The following HOXC5 variants were observed in gnomAD, a reference collection of about 807,000 sequenced individuals.
The protein encoded by HOXC5 is homeobox C5.
In HOXC5, 19 loss-of-function variants were observed where a neutral mutation model predicts 20.1. The ratio of observed to expected loss-of-function variants is 0.94; its 90% CI spans 0.66 to 1.38. The LOEUF (loss-of-function observed/expected upper bound fraction) is 1.38. Ranked by LOEUF, HOXC5 falls within the 40% of genes most tolerant of loss-of-function variation. The pLI is 0.00. For missense variants in HOXC5, 330 were observed against 300.1 expected (o/e 1.10, Z -0.74); for synonymous variants, 124 against 117.0 (o/e 1.06, Z -0.39).
chr12:54,028,779 C>T, upstream of HOXC5: 1 of 1,614,210 alleles, frequency 6.2e-7, no homozygotes, highest in Non-Finnish European at 8.5e-7. Context: ...TGCTCTCAAA[C>T]TGCAGACAAA....
Position 54,034,507 on chromosome 12 carries a change from G to GCC in HOXC5, c.*17_*18dup, listed in dbSNP as rs1371843749. Reference sequence around the variant, plus strand: ...AGGCTCTTTAGAGGCAGCGGGGGAGGCCCGCAGAGCGCGCCCCTAGCCGGT... The same window carrying GCC: ...AGGCTCTTTAGAGGCAGCGGGGGAGGCCCCCGCAGAGCGCGCCCCTAGCCGGT... On this transcript the variant is annotated 3_prime_UTR_variant, in exon 2 of 2. Coordinates refer to ENST00000312492, the MANE Select transcript of HOXC5 (RefSeq NM_018953.4). 3 of 1,603,950 alleles carry GCC rather than the reference G, an allele frequency of 1.9e-6. No homozygotes were observed.
the HOXC5 span, among the ~76,000 whole-genome samples, chr12:54,019,293 C>T: frequency 2.7e-4 from 41 of 151,922 alleles, no homozygotes; most frequent in African/African-American, 9.4e-4. Flanking sequence ...TGGGCCCAGC[C>T]CGCCGCCTGC....
rs759901648 is a variant in HOXC5, at chr12:54,034,470, T to C, written c.647T>C (p.Met216Thr). Residue 216 changes from methionine (M) to threonine (T), a missense_variant, in exon 2 of 2, where the codon ATG (methionine) becomes ACG (threonine). By Grantham distance (81) the Met-to-Thr change is moderately conservative. Transcript: ENST00000312492. ...RRMKWKKDSK[M>T]KSKEAL is the part of the protein sequence containing the mutation. The stretch of plus-strand genomic sequence containing the variant: ...ATGAAGTGGAAGAAAGATTCCAAAA[T>C]GAAAAGCAAAGAGGCTCTTTAGAGG... 3 of 1,614,130 alleles carry C rather than the reference T, an allele frequency of 1.9e-6. No homozygotes were observed. Among genetic ancestry groups the C allele is most frequent in the Non-Finnish European group, 2.5e-6 (3 of 1,180,028 alleles).
At chr12:54,031,054 A>G (rs1484104739), upstream of HOXC5, among the ~76,000 whole-genome samples, 1 of 152,204 alleles carries the variant, frequency 6.6e-6, no homozygotes, top group Non-Finnish European at 1.5e-5. Flanking sequence ...ACCCTGCGGG[A>G]AAAAGCCGCG....
chr12:54,029,873 T>G, upstream of HOXC5: 1 of 1,612,068 alleles, frequency 6.2e-7, no homozygotes, highest in Non-Finnish European at 8.5e-7. Context: ...ATCCACTCTC[T>G]CGGGGGGCGG....
In HOXC5 at chr12:54,034,807, C is replaced by T. The variant is rs1029204754; in HGVS notation, c.*315C>T. On this transcript the variant is annotated 3_prime_UTR_variant, in exon 2 of 2. Transcript: ENST00000312492. ...GGCGCAGAACGAACCTTGGCCTGGG[C>T]CGTATCTCCGGCTCCCAGCCTCAGC... 1 of 351,816 alleles carries T rather than the reference C, an allele frequency of 2.8e-6. No homozygotes were observed. Among genetic ancestry groups the T allele is most frequent in the Non-Finnish European group, 5.4e-6 (1 of 185,662 alleles). 21.8% of individuals were successfully genotyped at this position (351,816 alleles called of 1,614,324 possible).
the HOXC5 span, among the ~76,000 whole-genome samples, chr12:54,026,681 G>A: frequency 9.2e-5 from 14 of 152,114 alleles, no homozygotes; most frequent in Non-Finnish European, 1.6e-4. Flanking sequence ...ACCCCCTAAC[G>A]AGGTTCATGT....
chr12:54,032,572 C>G (rs1393844991), upstream of HOXC5, among the ~76,000 whole-genome samples: 1 of 152,178 alleles, frequency 6.6e-6, no homozygotes, highest in East Asian at 1.9e-4. Context: ...ACTTTCATTA[C>G]AAAAAGCACT....
upstream of HOXC5, among the ~76,000 whole-genome samples, chr12:54,031,650 G>T (rs1444380504): frequency 3.3e-5 from 5 of 152,154 alleles, no homozygotes; most frequent in Non-Finnish European, 7.4e-5. Context: ...GAAAAAATCC[G>T]CCAGAGTTTT....
At chr12:54,030,068 G>C (rs1341386607), upstream of HOXC5, 1 of 1,191,480 alleles carries the variant, frequency 8.4e-7, no homozygotes, top group Non-Finnish European at 1.2e-6. Context: ...GATGTGTTTT[G>C]ATTCCCTAAA....
the HOXC5 span, among the ~76,000 whole-genome samples, chr12:54,019,178 C>T: frequency 1.5e-5 from 2 of 131,884 alleles, no homozygotes; most frequent in Admixed American, 1.5e-4. Flanking sequence ...CCCTCCCCCA[C>T]CCCCCCACCC....
upstream of HOXC5, chr12:54,028,748 C>T: frequency 6.2e-7 from 1 of 1,614,102 alleles, no homozygotes; most frequent in Non-Finnish European, 8.5e-7. Context: ...GGATCTAATT[C>T]CTTTTACCAG....
At position 54,033,130 on chromosome 12, in the gene HOXC5, C is replaced by T; in HGVS notation, c.8C>T (p.Ser3Phe). The change falls in exon 1 of 2, where the codon TCC (serine) becomes TTC (phenylalanine). Residue 3 changes from serine (S) to phenylalanine (F), a missense_variant. By Grantham distance (155) the Ser-to-Phe change is radical. Coordinates refer to ENST00000312492, the MANE Select transcript of HOXC5 (RefSeq NM_018953.4). The stretch of plus-strand genomic sequence containing the variant: ...TTTTGGGCCCTCCCCGCCATGAGCT[C>T]CTACGTAGCCAATTCATTCTATAAG... MS[S>F]YVANSFYKQS... 1 of 1,603,870 alleles carries T rather than the reference C, an allele frequency of 6.2e-7. No individual in the cohort carries two copies.
At chr12:54,027,043 G>C in the HOXC5 span, among the ~76,000 whole-genome samples, 3 of 151,224 alleles carry the variant, frequency 2.0e-5, no homozygotes, top group African/African-American at 4.9e-5. Context: ...GGCATTTTCA[G>C]CCTATATCAC....
the HOXC5 span, among the ~76,000 whole-genome samples, chr12:54,018,811 T>C: frequency 2.0e-5 from 3 of 152,000 alleles, no homozygotes; most frequent in African/African-American, 4.8e-5. Flanking sequence ...GGGCCAGACT[T>C]ACCTTAATCT....
At chr12:54,031,603 G>A (rs1285692422), upstream of HOXC5, among the ~76,000 whole-genome samples, 1 of 152,180 alleles carries the variant, frequency 6.6e-6, no homozygotes, top group Non-Finnish European at 1.5e-5. Context: ...ACCTGAGTGG[G>A]CCTACAGGGA....
chr12:54,021,923 C>A, the HOXC5 span: 103 of 152,448 alleles, frequency 6.8e-4, 1 homozygote, highest in African/African-American at 2.5e-3. Context: ...CCAGCAACCC[C>A]CTCCTGCCCT....
chr12:54,017,869 C>A, the HOXC5 span, among the ~76,000 whole-genome samples: 119 of 152,288 alleles, frequency 7.8e-4, no homozygotes, highest in African/African-American at 2.7e-3. Context: ...CCCCCAACCC[C>A]CAAACAAACT....
upstream of HOXC5, chr12:54,028,403 T>C (rs1940825061): frequency 1.7e-6 from 2 of 1,167,486 alleles, no homozygotes; most frequent in South Asian, 3.3e-5. Context: ...GTCAGCTGAC[T>C]TTGTCATTTT....
Sources: gnomAD v4.1 joint callset for allele counts (sites outside exome capture counted in the v4.1 genomes callset) on GRCh38, gnomAD v4.1.1 for gene constraint, MANE v1.5 for transcripts, NCBI Gene and HGNC (gene_info 2026-07-23, HGNC 2026-07-21) for gene names.